The following HS6ST3 variants were observed in gnomAD, a reference collection of about 807,000 sequenced individuals.
HS6ST3 encodes heparan sulfate 6-O-sulfotransferase 3.
In HS6ST3, 12 loss-of-function variants were observed where a neutral mutation model predicts 36.7. That is an observed-to-expected ratio of 0.33 (90% confidence interval 0.21 to 0.53). The LOEUF is 0.53. Ranked by LOEUF, HS6ST3 falls within the 20% of genes least tolerant of loss-of-function variation. The pLI, the probability that HS6ST3 is intolerant of heterozygous loss-of-function variation, is 0.95. For missense variants in HS6ST3, 584 were observed against 640.9 expected (o/e 0.91, Z 0.96); for synonymous variants, 240 against 257.5 (o/e 0.93, Z 0.65).
At chr13:96,672,095 C>T (rs2056684527) in intron 1 of HS6ST3, among the ~76,000 whole-genome samples, 1 of 152,084 alleles carries the variant, frequency 6.6e-6, no homozygotes, top group South Asian at 2.1e-4. Context: ...CATGCTCAGA[C>T]TGCTATTAAT....
chr13:96,413,242 A>G (rs1197629238), intron 1 of HS6ST3, among the ~76,000 whole-genome samples: 1 of 152,210 alleles, frequency 6.6e-6, no homozygotes, highest in Admixed American at 6.5e-5. Context: ...TGCCATGAGT[A>G]TTATTTATTG....
rs971154140 is a variant in HS6ST3 at position 96,412,841 on chromosome 13, T to TTA, written c.707+321284_707+321285dup. Among the ~76,000 whole-genome samples the TTA allele has an allele frequency of 6.7e-4, 101 of 149,648 alleles. No individual in the cohort carries two copies. In the East Asian group the frequency reaches 0.011, roughly 17 times the overall value. ...AATACATGTTTGCATATACAGTATATTATATATATATATTTATATATAAAA... is the reference window on the plus strand; with the variant it reads ...AATACATGTTTGCATATACAGTATATTATATATATATATATTTATATATAAAA... On this transcript the variant is annotated intron_variant, in intron 1 of 1. Transcript: ENST00000376705.
chr13:96,670,237 A>G (rs1594832275), intron 1 of HS6ST3, among the ~76,000 whole-genome samples: 1 of 152,140 alleles, frequency 6.6e-6, no homozygotes, highest in South Asian at 2.1e-4. Context: ...AATGCTGCTT[A>G]GAGGTTGAGG....
chr13:96,363,157 C>T (rs925849187), intron 1 of HS6ST3, among the ~76,000 whole-genome samples: 1 of 152,112 alleles, frequency 6.6e-6, no homozygotes, highest in African/African-American at 2.4e-5. Context: ...ACCACACACA[C>T]ACGAGTGCTT....
At chr13:96,306,898 A>G (rs964922093) in intron 1 of HS6ST3, among the ~76,000 whole-genome samples, 6 of 152,234 alleles carry the variant, frequency 3.9e-5, no homozygotes, top group Admixed American at 6.5e-5. Flanking sequence ...TATACCAAGC[A>G]GCTTTTGGAA....
intron 1 of HS6ST3, among the ~76,000 whole-genome samples, chr13:96,289,555 A>G (rs9554337): frequency 0.056 from 8,467 of 152,294 alleles, 315 homozygotes; most frequent in East Asian, 0.16. Context: ...TATTTTACAT[A>G]TATGCAAAAT....
chr13:96,384,688 C>G (rs1280930637), intron 1 of HS6ST3, among the ~76,000 whole-genome samples: 2 of 152,136 alleles, frequency 1.3e-5, no homozygotes, highest in Non-Finnish European at 2.9e-5. Context: ...GTTCTCAATA[C>G]TTTCCATCCC....
intron 1 of HS6ST3, among the ~76,000 whole-genome samples, chr13:96,143,701 A>G (rs907422929): frequency 6.6e-6 from 1 of 152,110 alleles, no homozygotes; most frequent in African/African-American, 2.4e-5. Context: ...TAAACAAACC[A>G]TTTAATTAAG....
intron 1 of HS6ST3, among the ~76,000 whole-genome samples, chr13:96,801,101 C>T (rs1230197748): frequency 6.6e-6 from 1 of 152,140 alleles, no homozygotes; most frequent in African/African-American, 2.4e-5. Flanking sequence ...CAGTTGTCCA[C>T]TCCCTCCATC....
intron 1 of HS6ST3, among the ~76,000 whole-genome samples, chr13:96,167,980 CTT>C (rs1332641314): frequency 2.6e-5 from 4 of 152,150 alleles, no homozygotes; most frequent in African/African-American, 9.7e-5. Context: ...GTCATTAAAA[CTT>C]AACACCATTT....
At chr13:96,566,627 A>G (rs966317928) in intron 1 of HS6ST3, among the ~76,000 whole-genome samples, 1 of 152,194 alleles carries the variant, frequency 6.6e-6, no homozygotes, top group Non-Finnish European at 1.5e-5. Context: ...TGGGTAATTT[A>G]TTAACTCTTG....
intron 1 of HS6ST3, among the ~76,000 whole-genome samples, chr13:96,402,980 G>A (rs138154611): frequency 1.1e-3 from 171 of 152,264 alleles, no homozygotes; most frequent in African/African-American, 4.0e-3. Flanking sequence ...CAGTATAACA[G>A]TTTTCAAAAT....
At chr13:96,638,777 G>C (rs1433526230) in intron 1 of HS6ST3, among the ~76,000 whole-genome samples, 1 of 151,640 alleles carries the variant, frequency 6.6e-6, no homozygotes, top group Non-Finnish European at 1.5e-5. Flanking sequence ...CCAGTCTTGG[G>C]TATGTCCTTA....
chr13:96,534,561 A>G (rs1484983852), intron 1 of HS6ST3, among the ~76,000 whole-genome samples: 2 of 152,216 alleles, frequency 1.3e-5, no homozygotes, highest in East Asian at 1.9e-4. Context: ...CATCATTGTC[A>G]TCATCATCAC....
At chr13:96,557,599 C>T (rs1241488238) in intron 1 of HS6ST3, among the ~76,000 whole-genome samples, 5 of 150,966 alleles carry the variant, frequency 3.3e-5, no homozygotes, top group African/African-American at 9.8e-5. Context: ...TTTGCAAGTA[C>T]ATGAAGAATA....
At chr13:96,652,397 C>T (rs895330595) in intron 1 of HS6ST3, among the ~76,000 whole-genome samples, 7 of 151,640 alleles carry the variant, frequency 4.6e-5, no homozygotes, top group South Asian at 2.1e-4. Flanking sequence ...CCCTTCCTTC[C>T]TCACTACTTC....
intron 1 of HS6ST3, among the ~76,000 whole-genome samples, chr13:96,331,088 A>C (rs948975527): frequency 2.0e-5 from 3 of 152,082 alleles, no homozygotes; most frequent in South Asian, 2.1e-4. Context: ...ATTCTGTTAA[A>C]TTTTTTTCAA....
intron 1 of HS6ST3, among the ~76,000 whole-genome samples, chr13:96,765,626 CTCTG>C (rs1166737064): frequency 1.4e-5 from 2 of 147,150 alleles, no homozygotes; most frequent in East Asian, 4.0e-4. Flanking sequence ...CTCTCTCTCT[CTCTG>C]TTTCTGTCTC....
rs141613547 is a variant in HS6ST3 at position 96,097,138 on chromosome 13, G to A, written c.707+5569G>A. On this transcript the variant is annotated intron_variant, in intron 1 of 1. Transcript: ENST00000376705. ...AGACATGAATTGGAAGTGGTAAATG[G>A]TAATAGATGATTTATGCTTCTGCCT... Among the ~76,000 whole-genome samples, 98 of 152,256 alleles carry A rather than the reference G, an allele frequency of 6.4e-4. No homozygotes were observed. In the East Asian group the frequency reaches 0.018, roughly 28 times the overall value.
Sources: gnomAD v4.1 joint callset for allele counts (sites outside exome capture counted in the v4.1 genomes callset) on GRCh38, gnomAD v4.1.1 for gene constraint, MANE v1.5 for transcripts, NCBI Gene and HGNC (gene_info 2026-07-23, HGNC 2026-07-21) for gene names.